Variants in CACNG2 observed in about 807,000 individuals in gnomAD.
CACNG2 encodes voltage-dependent calcium channel gamma-2 subunit.
A neutral mutation model predicts 25.9 loss-of-function variants in CACNG2; 3 were observed. The observed-to-expected ratio is 0.12, with a 90% confidence interval of 0.05 to 0.30. The LOEUF (loss-of-function observed/expected upper bound fraction) is 0.30. CACNG2 is among the 10% of genes least tolerant of loss of function. CACNG2 has a pLI of 1.00. For synonymous variants in CACNG2, 167 were observed against 173.3 expected (o/e 0.96, Z 0.29); for missense variants, 341 against 432.5 (o/e 0.79, Z 1.88).
At chr22:36,587,806 AT>A (rs984026824) in intron 1 of CACNG2, among the ~76,000 whole-genome samples, 1 of 152,218 alleles carries the variant, frequency 6.6e-6, no homozygotes, top group African/African-American at 2.4e-5. Context: ...GCTTCTGAGG[AT>A]TAGCGGAGGC....
chr22:36,699,096 A>T (rs773088433), intron 1 of CACNG2, among the ~76,000 whole-genome samples: 1 of 152,148 alleles, frequency 6.6e-6, no homozygotes, highest in Non-Finnish European at 1.5e-5. Flanking sequence ...CTTTCCATGC[A>T]GAGACTCTTA....
intron 1 of CACNG2, among the ~76,000 whole-genome samples, chr22:36,701,749 G>A (rs1937414204): frequency 1.3e-5 from 2 of 152,136 alleles, no homozygotes; most frequent in Non-Finnish European, 1.5e-5. Flanking sequence ...ATACACACAC[G>A]CAGCCAGCCA....
In CACNG2 at chr22:36,702,631, T is replaced by G; in HGVS notation, c.-55A>C. ...CTTCTGGTTCTCGGGAGAGTGTGTG[T>G]GAGGGTGCAAGTACTAAAGCCAAAA... On this transcript the variant is annotated 5_prime_UTR_variant, in exon 1 of 4. Transcript: ENST00000300105. 1 of 1,449,458 alleles carries G rather than the reference T, an allele frequency of 6.9e-7. No individual in the cohort carries two copies. Among genetic ancestry groups the G allele is most frequent in the Non-Finnish European group, 9.7e-7 (1 of 1,030,194 alleles). 89.8% of individuals were successfully genotyped at this position (1,449,458 alleles called of 1,614,324 possible).
intron 1 of CACNG2, among the ~76,000 whole-genome samples, chr22:36,675,551 G>A (rs1937009214): frequency 6.6e-6 from 1 of 152,208 alleles, no homozygotes; most frequent in Non-Finnish European, 1.5e-5. Flanking sequence ...AGTCTCATAT[G>A]GGTAACGATC....
chr22:36,601,230 T>C (rs1164382401), intron 1 of CACNG2, among the ~76,000 whole-genome samples: 1 of 152,216 alleles, frequency 6.6e-6, no homozygotes, highest in Admixed American at 6.5e-5. Flanking sequence ...TTGGTAAAGA[T>C]TCCACATATG....
At chr22:36,614,302 C>T (rs1037724626) in intron 1 of CACNG2, among the ~76,000 whole-genome samples, 5 of 152,180 alleles carry the variant, frequency 3.3e-5, no homozygotes, top group African/African-American at 1.2e-4. Context: ...TCCTCTCTGC[C>T]CACCCCTGGA....
In CACNG2 at chr22:36,606,314, AG is replaced by A. The variant is rs1935832394; in HGVS notation, c.212-18767del. 6.6e-6 allele frequency among the ~76,000 whole-genome samples: 1 copy of A among 152,242 alleles called. No individual in the cohort carries two copies. Among genetic ancestry groups the A allele is most frequent in the Non-Finnish European group, 1.5e-5 (1 of 68,042 alleles). On this transcript the variant is annotated intron_variant, in intron 1 of 3. Coordinates refer to ENST00000300105, the MANE Select transcript of CACNG2 (RefSeq NM_006078.5). This position sits in a 1 kb window ranked among gnomAD's most constrained non-coding sequence, Gnocchi z 5.7. Reference sequence around the variant, plus strand: ...CGCCGGGAACAAGCTGCCATGAGCCAGGCATGGGGCCAAGCACTTTACAACA... The same window carrying A: ...CGCCGGGAACAAGCTGCCATGAGCCAGCATGGGGCCAAGCACTTTACAACA...
At chr22:36,657,046 G>C (rs1464514365) in intron 1 of CACNG2, among the ~76,000 whole-genome samples, 1 of 152,232 alleles carries the variant, frequency 6.6e-6, no homozygotes, top group African/African-American at 2.4e-5. Flanking sequence ...CTGGCACACA[G>C]AAGTGCTCGA....
At chr22:36,635,189 C>T (rs1007165021) in intron 1 of CACNG2, among the ~76,000 whole-genome samples, 1 of 150,426 alleles carries the variant, frequency 6.6e-6, no homozygotes, top group South Asian at 2.1e-4. Flanking sequence ...GAGGCTGAGG[C>T]AGGAGAATGG....
chr22:36,663,922 G>A (rs575207226), intron 1 of CACNG2, among the ~76,000 whole-genome samples: 2 of 152,302 alleles, frequency 1.3e-5, no homozygotes, highest in South Asian at 2.1e-4. Context: ...CCAGGCTGTC[G>A]GTTGCAGGGA....
chr22:36,618,469 C>T (rs1936057055), intron 1 of CACNG2, among the ~76,000 whole-genome samples: 2 of 152,194 alleles, frequency 1.3e-5, no homozygotes, highest in South Asian at 4.1e-4. Flanking sequence ...CTGTTAGCCA[C>T]CAGGGCTTAC....
At chr22:36,663,049 G>A (rs9610556) in intron 1 of CACNG2, among the ~76,000 whole-genome samples, 27,143 of 118,458 alleles carry the variant, frequency 0.23, 2,983 homozygotes, top group Middle Eastern at 0.32. Context: ...AAAAAAAAAA[G>A]AGAGAGAGAG....
chr22:36,672,130 G>A (rs1026381623), intron 1 of CACNG2, among the ~76,000 whole-genome samples: 18 of 152,032 alleles, frequency 1.2e-4, no homozygotes, highest in African/African-American at 4.1e-4. Context: ...AAGCCAGGAA[G>A]GGGCCCTGGT....
chr22:36,660,072 C>T (rs1936768036), intron 1 of CACNG2, among the ~76,000 whole-genome samples: 1 of 152,220 alleles, frequency 6.6e-6, no homozygotes, highest in South Asian at 2.1e-4. Context: ...GCCGGGGCCT[C>T]CCAGGTCAGC....
At chr22:36,565,663 G>A (rs914098516) in intron 3 of CACNG2, among the ~76,000 whole-genome samples, 3 of 152,096 alleles carry the variant, frequency 2.0e-5, no homozygotes, top group African/African-American at 7.2e-5. Flanking sequence ...AAAAATTTCT[G>A]TAGAGACGCG....
chr22:36,649,748 TAA>T (rs1936579227), intron 1 of CACNG2, among the ~76,000 whole-genome samples: 1 of 152,182 alleles, frequency 6.6e-6, no homozygotes, highest in African/African-American at 2.4e-5. Context: ...TGACAGTGAA[TAA>T]GTTTCACGAG....
At position 36,669,999 on chromosome 22, in the gene CACNG2, C is replaced by T. The variant is rs180682189; in HGVS notation, c.211+32367G>A. Among the ~76,000 whole-genome samples, 649 of 152,340 alleles carry T rather than the reference C, an allele frequency of 4.3e-3. 5 individuals are homozygous for T. Among genetic ancestry groups the T allele is most frequent in the African/African-American group, 1.0e-2 (415 of 41,560 alleles). On this transcript the variant is annotated intron_variant, in intron 1 of 3. Transcript: ENST00000300105. ...AAATGCTGGGATTACAGGTGTGAGC[C>T]AGCATGCCCAGCTTCTTTCCATATT...
rs541295056 is a variant in CACNG2 at position 36,580,570 on chromosome 22, C to T, written c.295+6895G>A. 9.2e-5 allele frequency among the ~76,000 whole-genome samples: 14 copies of T among 152,238 alleles called. No homozygotes were observed. In the East Asian group the frequency reaches 2.7e-3, roughly 29 times the overall value. ...CTGTGTGTGTGGCCTGTGTCACACC[C>T]CCTGGAGGGAGTACGTCAGAGACAG... On this transcript the variant is annotated intron_variant, in intron 2 of 3. Coordinates refer to ENST00000300105, the MANE Select transcript of CACNG2 (RefSeq NM_006078.5).
At chr22:36,671,642 T>G (rs1936951698) in intron 1 of CACNG2, among the ~76,000 whole-genome samples, 1 of 152,238 alleles carries the variant, frequency 6.6e-6, no homozygotes, top group Non-Finnish European at 1.5e-5. Flanking sequence ...TCTGACCATC[T>G]GTGCATTCCC....
Sources: gnomAD v4.1 joint callset for allele counts (sites outside exome capture counted in the v4.1 genomes callset) on GRCh38, gnomAD v4.1.1 for gene constraint, Gnocchi (gnomAD v3.1) non-coding constraint, MANE v1.5 for transcripts, NCBI Gene and HGNC (gene_info 2026-07-23, HGNC 2026-07-21) for gene names.